The following SLC29A3 variants were observed in gnomAD, a reference collection of about 807,000 sequenced individuals.
SLC29A3 encodes equilibrative nucleoside transporter 3.
A neutral mutation model predicts 25.4 loss-of-function variants in SLC29A3; 18 were observed. The ratio of observed to expected loss-of-function variants is 0.71; its 90% CI spans 0.49 to 1.05. The LOEUF is 1.05. SLC29A3 is among the 50% of genes least tolerant of loss of function. SLC29A3 has a pLI of 0.00. For missense variants in SLC29A3, 586 were observed against 609.0 expected (o/e 0.96, Z 0.40); for synonymous variants, 258 against 267.1 (o/e 0.97, Z 0.33).
At chr10:71,323,539 A>G (rs1197552980) in intron 2 of SLC29A3, among the ~76,000 whole-genome samples, 1 of 152,266 alleles carries the variant, frequency 6.6e-6, no homozygotes, top group Non-Finnish European at 1.5e-5. Flanking sequence ...TGTTGCCTGT[A>G]CGAACACTTC....
intron 3 of SLC29A3, among the ~76,000 whole-genome samples, chr10:71,350,589 T>A (rs767506124): frequency 6.6e-6 from 1 of 152,148 alleles, no homozygotes; most frequent in Non-Finnish European, 1.5e-5. Context: ...CAGGCCAGTA[T>A]GGGGGCTGGG....
intron 3 of SLC29A3, among the ~76,000 whole-genome samples, chr10:71,350,465 G>A (rs552859467): frequency 3.9e-5 from 6 of 152,090 alleles, no homozygotes; most frequent in Non-Finnish European, 7.4e-5. Context: ...CATCCAATCC[G>A]GTTTAAAGCT....
chr10:71,347,744 G>A (rs1846630219), intron 3 of SLC29A3, among the ~76,000 whole-genome samples: 1 of 152,132 alleles, frequency 6.6e-6, no homozygotes, highest in Admixed American at 6.5e-5. Flanking sequence ...ACAGAGGAGG[G>A]GACAGAGCAG....
At chr10:71,349,638 A>G (rs1431125316) in intron 3 of SLC29A3, among the ~76,000 whole-genome samples, 1 of 152,038 alleles carries the variant, frequency 6.6e-6, no homozygotes, top group Non-Finnish European at 1.5e-5. Context: ...ATGTTCTCCC[A>G]GGGAACATTG....
chr10:71,340,329 A>AT (rs1243487713), intron 2 of SLC29A3, among the ~76,000 whole-genome samples: 1 of 152,196 alleles, frequency 6.6e-6, no homozygotes, highest in Non-Finnish European at 1.5e-5. Flanking sequence ...GAGTGGCGCC[A>AT]TTCCTATCAC....
intron 2 of SLC29A3, among the ~76,000 whole-genome samples, chr10:71,325,232 A>G (rs995535682): frequency 1.3e-4 from 20 of 152,196 alleles, no homozygotes; most frequent in Non-Finnish European, 2.2e-4. Context: ...TGAATCTGCC[A>G]TAGTGAGGGA....
chr10:71,344,339 C>G, intron 3 of SLC29A3, 48 bp downstream of exon 3: 1 of 1,396,282 alleles, frequency 7.2e-7, no homozygotes, highest in East Asian at 2.3e-5. Flanking sequence ...GGTCTCCTGC[C>G]TCCTCTACTC....
intron 4 of SLC29A3, among the ~76,000 whole-genome samples, chr10:71,355,213 C>T (rs1181322876): frequency 1.3e-5 from 2 of 152,192 alleles, no homozygotes; most frequent in African/African-American, 4.8e-5. Flanking sequence ...GCCACGTTAC[C>T]CCTAGGGTCC....
intron 3 of SLC29A3, among the ~76,000 whole-genome samples, chr10:71,372,816 G>T (rs1847220999): frequency 6.6e-6 from 1 of 152,208 alleles, no homozygotes; most frequent in South Asian, 2.1e-4. Flanking sequence ...CACGCCCCAA[G>T]GTTGGCGCCT....
chr10:71,370,456 G>C (rs1188338643), intron 3 of SLC29A3, among the ~76,000 whole-genome samples: 1 of 152,234 alleles, frequency 6.6e-6, no homozygotes, highest in Non-Finnish European at 1.5e-5. Context: ...GTTTCTAACA[G>C]ATTTAAGTTC....
At chr10:71,328,146 G>A (rs915126735) in intron 2 of SLC29A3, among the ~76,000 whole-genome samples, 17 of 152,308 alleles carry the variant, frequency 1.1e-4, no homozygotes, top group Admixed American at 3.3e-4. Flanking sequence ...GGGACTGCAG[G>A]ATGCGGCCAG....
Position 71,356,139 on chromosome 10 carries a change from C to T in SLC29A3, c.669C>T (p.Ser223=). ...CCTCATTGGTGGACTTGGCTGCATC[C>T]AGTGATGTGAGGAACAGCGCCCTGG... ...AVASLVDLAA[S]SDVRNSALAF... The change falls in exon 5 of 6, where the codon TCC becomes TCT. Residue 223 remains serine, a synonymous_variant. Coordinates refer to ENST00000373189, the MANE Select transcript of SLC29A3 (RefSeq NM_018344.6). The T allele has an allele frequency of 6.2e-7, 1 of 1,614,186 alleles. No homozygotes were observed. The highest frequency in any genetic ancestry group is 1.3e-5 in the African/African-American group (1 of 75,052).
At chr10:71,320,073 G>A (rs993177001) in intron 1 of SLC29A3, among the ~76,000 whole-genome samples, 1 of 152,182 alleles carries the variant, frequency 6.6e-6, no homozygotes, top group Non-Finnish European at 1.5e-5. Flanking sequence ...GCTCACTCCA[G>A]TGCCCTGGCC....
chr10:71,360,576 T>TG (rs1374936696), intron 5 of SLC29A3, among the ~76,000 whole-genome samples: 1 of 152,242 alleles, frequency 6.6e-6, no homozygotes, highest in African/African-American at 2.4e-5. Context: ...GGTGGGTAAA[T>TG]GGTGCTGGGC....
chr10:71,357,658 A>G (rs2131846286), intron 5 of SLC29A3, among the ~76,000 whole-genome samples: 1 of 152,314 alleles, frequency 6.6e-6, no homozygotes, highest in South Asian at 2.1e-4. Context: ...TTGCTGCCTT[A>G]TGGGGCTCCT....
At chr10:71,338,844 G>T (rs559897696) in intron 2 of SLC29A3, among the ~76,000 whole-genome samples, 30 of 152,344 alleles carry the variant, frequency 2.0e-4, no homozygotes, top group Non-Finnish European at 3.1e-4. Flanking sequence ...GAAAGACACT[G>T]CCCTCCCTGA....
At chr10:71,331,270 T>C (rs1379577923) in intron 2 of SLC29A3, among the ~76,000 whole-genome samples, 3 of 152,158 alleles carry the variant, frequency 2.0e-5, no homozygotes, top group Non-Finnish European at 4.4e-5. Flanking sequence ...TGCAGGTTCA[T>C]GGTGACCTTG....
intron 1 of SLC29A3, among the ~76,000 whole-genome samples, chr10:71,322,197 C>A (rs1845860714): frequency 6.6e-6 from 1 of 151,992 alleles, no homozygotes; most frequent in African/African-American, 2.4e-5. Context: ...TCTTATGTAG[C>A]CTTCCAGAGA....
At chr10:71,323,124 G>A in intron 2 of SLC29A3, 70 bp downstream of exon 2, 1 of 1,583,396 alleles carries the variant, frequency 6.3e-7, no homozygotes, top group Non-Finnish European at 8.6e-7. Context: ...TGCAGGGGAA[G>A]ATGGAGATTT....
Sources: gnomAD v4.1 joint callset for allele counts (sites outside exome capture counted in the v4.1 genomes callset) on GRCh38, gnomAD v4.1.1 for gene constraint, MANE v1.5 for transcripts, NCBI Gene and HGNC (gene_info 2026-07-23, HGNC 2026-07-21) for gene names.